ADGRB1: variants seen among roughly 807,000 people sequenced by gnomAD.
ADGRB1 encodes the protein brain-specific angiogenesis inhibitor 1.
A neutral mutation model predicts 175.7 loss-of-function variants in ADGRB1; 36 were observed. The observed-to-expected ratio is 0.20, with a 90% CI of 0.16 to 0.27. The LOEUF (loss-of-function observed/expected upper bound fraction) is 0.27. ADGRB1 is among the 10% of genes least tolerant of loss of function. The pLI, the probability that ADGRB1 is intolerant of heterozygous loss-of-function variation, is 1.00. For synonymous variants in ADGRB1, 1,054 were observed against 979.4 expected, an observed-to-expected ratio of 1.08 and a Z score of -1.42; for missense variants, 1,731 against 2,255.3, an observed-to-expected ratio of 0.77 and a Z score of 4.71.
chr8:142,479,826 G>A lies in ADGRB1; in HGVS notation c.1828+32G>A, dbSNP rs919580263. On this transcript the variant is annotated intron_variant, in intron 9 of 30. Transcript: ENST00000517894. ...GCTGGAGAGCACGTGGTGTATGGGGGCTCCCGTCCTGTCCTCACGGTGATG... is the reference window on the plus strand; with the variant it reads ...GCTGGAGAGCACGTGGTGTATGGGGACTCCCGTCCTGTCCTCACGGTGATG... 5 of 1,590,656 alleles carry A rather than the reference G, an allele frequency of 3.1e-6. No individual in the cohort carries two copies. The African/African-American group carries it at 5.4e-5, about 17-fold the overall frequency.
intron 1 of ADGRB1, among the ~76,000 whole-genome samples, chr8:142,456,063 A>G (rs79657115): frequency 0.15 from 22,265 of 151,994 alleles, 1,796 homozygotes; most frequent in East Asian, 0.21. Flanking sequence ...ACGCATTTCA[A>G]TGGGATTTCA....
Position 142,468,025 on chromosome 8 carries a change from G to A in ADGRB1, c.784+3043G>A, listed in dbSNP as rs889468610. Among the ~76,000 whole-genome samples, 6 of 152,218 alleles carry A rather than the reference G, an allele frequency of 3.9e-5. No individual in the cohort carries two copies. The East Asian group carries it at 1.2e-3, about 29-fold the overall frequency. On this transcript the variant is annotated intron_variant, in intron 2 of 30. Coordinates refer to ENST00000517894, the MANE Select transcript of ADGRB1 (RefSeq NM_001702.3). Reference sequence around the variant, plus strand: ...TCTGAGAAAGGGAATGTTTGGAGGTGGTGCTCAGAAAGAGGTGGGAGGATG... The same window carrying A: ...TCTGAGAAAGGGAATGTTTGGAGGTAGTGCTCAGAAAGAGGTGGGAGGATG...
chr8:142,538,150 G>A (rs1363788334), intron 26 of ADGRB1, among the ~76,000 whole-genome samples: 2 of 152,148 alleles, frequency 1.3e-5, no homozygotes, highest in African/African-American at 4.8e-5. Flanking sequence ...CCTCCTCCAG[G>A]GAGCCCTCCT....
chr8:142,491,133 G>A (rs1841961743), intron 17 of ADGRB1, among the ~76,000 whole-genome samples: 1 of 152,224 alleles, frequency 6.6e-6, no homozygotes, highest in Non-Finnish European at 1.5e-5. Context: ...CACAGCAGGT[G>A]GAATCCTGAC....
intron 27 of ADGRB1, among the ~76,000 whole-genome samples, chr8:142,541,655 G>A (rs1433605776): frequency 6.6e-6 from 1 of 152,206 alleles, no homozygotes; most frequent in Admixed American, 6.5e-5. Flanking sequence ...GCTGGGGAGG[G>A]CAGTGTGTGG....
intron 17 of ADGRB1, among the ~76,000 whole-genome samples, chr8:142,508,626 G>T (rs367740550): frequency 2.0e-5 from 3 of 152,324 alleles, no homozygotes; most frequent in Admixed American, 1.3e-4. Context: ...GAACAGCCTG[G>T]GTCCCTGGCC....
intron 13 of ADGRB1, among the ~76,000 whole-genome samples, chr8:142,486,604 C>G (rs1841683705): frequency 6.6e-6 from 1 of 152,264 alleles, no homozygotes; most frequent in South Asian, 2.1e-4. Flanking sequence ...TCAGACGTGT[C>G]TGGTGGAAAC....
Position 142,510,641 on chromosome 8 carries a change from T to C in ADGRB1, c.2676-291T>C, listed in dbSNP as rs1843043150. On this transcript the variant is annotated intron_variant, in intron 17 of 30. Coordinates refer to ENST00000517894, the MANE Select transcript of ADGRB1 (RefSeq NM_001702.3). This position sits in a 1 kb window ranked among gnomAD's most constrained non-coding sequence, Gnocchi z 6.3. ...CGACTGCCGGGCCCCGGGCCAGCTC[T>C]CGCCCCCCGCCCCGCCCCCGATCGC... Among the ~76,000 whole-genome samples the C allele has an allele frequency of 1.4e-5, 2 of 144,752 alleles. No individual in the cohort carries two copies. Among genetic ancestry groups the C allele is most frequent in the Admixed American group, 1.4e-4 (2 of 14,676 alleles). 95.0% of individuals were successfully genotyped at this position (144,752 alleles called of 152,430 possible). A position where few individuals can be genotyped will look rare whatever the true frequency, so the allele number is the denominator to read the frequency against.
rs535053549 is a variant in ADGRB1, at chr8:142,535,442, G to A, written c.3571-1545G>A. On this transcript the variant is annotated intron_variant, in intron 25 of 30. Coordinates refer to ENST00000517894, the MANE Select transcript of ADGRB1 (RefSeq NM_001702.3). ...CTCCCAGCCCCTGTGTGTGGGCTCC[G>A]TGCTGCAGGGCCTTCAAGGTCCTGC... Among the ~76,000 whole-genome samples the A allele has an allele frequency of 4.9e-4, 75 of 152,310 alleles. 1 individual carries two copies. The highest frequency in any genetic ancestry group is 1.0e-3 in the Non-Finnish European group (68 of 68,020).
At chr8:142,467,422 C>T (rs950087455) in intron 2 of ADGRB1, among the ~76,000 whole-genome samples, 6 of 152,126 alleles carry the variant, frequency 3.9e-5, no homozygotes, top group East Asian at 1.9e-4. Flanking sequence ...AGCTGATGAT[C>T]GACTTACTGA....
intron 18 of ADGRB1, among the ~76,000 whole-genome samples, chr8:142,514,992 G>T (rs190726266): frequency 6.6e-6 from 1 of 152,238 alleles, no homozygotes; most frequent in African/African-American, 2.4e-5. Flanking sequence ...TCCTTAGGGG[G>T]CAAAGGGTGG....
At chr8:142,473,946 TG>T (rs1840796251) in intron 2 of ADGRB1, among the ~76,000 whole-genome samples, 1 of 152,284 alleles carries the variant, frequency 6.6e-6, no homozygotes, top group Admixed American at 6.5e-5. Context: ...AAAATCAAAG[TG>T]GGGCCCCGGG....
In ADGRB1 at chr8:142,514,864, TG is replaced by T. The variant is rs367770820; in HGVS notation, c.2818-3269del. ...ATCTGGGTCAGGGGTCAGAGTATGA[TG>T]GGGGTTCAGGGCTTAGTCTATGACT... On this transcript the variant is annotated intron_variant, in intron 18 of 30. Transcript: ENST00000517894. Among the ~76,000 whole-genome samples, 771 of 151,930 alleles carry T rather than the reference TG, an allele frequency of 5.1e-3. 7 individuals are homozygous for T. Among genetic ancestry groups the T allele is most frequent in the African/African-American group, 0.018 (739 of 41,420 alleles).
rs1177927633 is a variant in ADGRB1, at chr8:142,503,588, G to T, written c.2676-7344G>T. Among the ~76,000 whole-genome samples, 4 of 152,090 alleles carry T rather than the reference G, an allele frequency of 2.6e-5. No individual in the cohort carries two copies. The East Asian group carries it at 5.8e-4, about 22-fold the overall frequency. On this transcript the variant is annotated intron_variant, in intron 17 of 30. Transcript: ENST00000517894. ...GTCTGCATGAGGCAAGACGGCTCGG[G>T]CAGGCTTCTGAGTGCCAGCCTCCTG...
chr8:142,538,489 A>T (rs1379760867), intron 26 of ADGRB1, among the ~76,000 whole-genome samples: 1 of 152,114 alleles, frequency 6.6e-6, no homozygotes, highest in Non-Finnish European at 1.5e-5. Context: ...CCCCTCCCCC[A>T]GCGTTTCTCC....
chr8:142,469,800 CGT>C (rs1238511477), intron 2 of ADGRB1, among the ~76,000 whole-genome samples: 1 of 151,734 alleles, frequency 6.6e-6, no homozygotes, highest in African/African-American at 2.4e-5. Flanking sequence ...CGTGCGTGTG[CGT>C]GGGGGGGATG....
chr8:142,457,234 G>A (rs928527541), intron 1 of ADGRB1, among the ~76,000 whole-genome samples: 2 of 152,172 alleles, frequency 1.3e-5, no homozygotes, highest in Non-Finnish European at 2.9e-5. Flanking sequence ...GGAGCCGGTC[G>A]GTCCCTCTGG....
rs973799443 is a variant in ADGRB1, at chr8:142,540,414, C to G, written c.3706+1001C>G. Among the ~76,000 whole-genome samples the G allele has an allele frequency of 2.0e-5, 3 of 152,254 alleles. No homozygotes were observed. The East Asian group carries it at 5.8e-4, about 29-fold the overall frequency. ...GTGGCTTGGGTGTATGTGGGCCTCT[C>G]TGAGCCCCTGATTCCCTCTCATTCA... On this transcript the variant is annotated intron_variant, in intron 27 of 30. Coordinates refer to ENST00000517894, the MANE Select transcript of ADGRB1 (RefSeq NM_001702.3).
chr8:142,475,658 G>C, intron 3 of ADGRB1, 23 bp downstream of exon 3: 9 of 1,224,858 alleles, frequency 7.3e-6, no homozygotes, highest in Non-Finnish European at 9.2e-6. Context: ...GGGGCGGGGC[G>C]GAGCCGGAGC....
Sources: gnomAD v4.1 joint callset for allele counts (sites outside exome capture counted in the v4.1 genomes callset) on GRCh38, gnomAD v4.1.1 for gene constraint, Gnocchi (gnomAD v3.1) non-coding constraint, MANE v1.5 for transcripts, NCBI Gene and HGNC (gene_info 2026-07-23, HGNC 2026-07-21) for gene names.